The following SMARCC1 variants were observed in gnomAD, a reference collection of about 807,000 sequenced individuals.
SMARCC1 encodes SWI/SNF related BAF chromatin remodeling complex subunit C1.
In SMARCC1, 43 loss-of-function variants were observed where a neutral mutation model predicts 147.4. The observed-to-expected ratio is 0.29, with a 90% CI of 0.23 to 0.38. The LOEUF (loss-of-function observed/expected upper bound fraction) is 0.38, where lower values mean the gene tolerates loss of function less well. Among genes scored for constraint, SMARCC1 ranks in the 10% least tolerant of loss-of-function variants. The pLI is 1.00. For synonymous variants in SMARCC1, 495 were observed against 484.4 expected (o/e 1.02, Z -0.29); for missense variants, 1,119 against 1,381.1 (o/e 0.81, Z 3.01).
intron 21 of SMARCC1, among the ~76,000 whole-genome samples, chr3:47,654,670 A>G (rs939126292): frequency 1.3e-5 from 2 of 152,238 alleles, no homozygotes; most frequent in African/African-American, 4.8e-5. Context: ...GTGTCGCAAC[A>G]TGGCAGAGGA....
intron 24 of SMARCC1, among the ~76,000 whole-genome samples, chr3:47,631,221 G>A (rs887726706): frequency 3.3e-5 from 5 of 152,166 alleles, no homozygotes; most frequent in Admixed American, 6.5e-5. Flanking sequence ...GACATTTCTA[G>A]GGGGTAAGAG....
intron 9 of SMARCC1, 107 bp from the exon 10 acceptor site, chr3:47,706,637 T>C: frequency 9.9e-7 from 1 of 1,007,260 alleles, no homozygotes; most frequent in South Asian, 2.1e-5. Context: ...AGCATATCCT[T>C]AGTTCAGAGC....
intron 2 of SMARCC1, among the ~76,000 whole-genome samples, chr3:47,763,065 CA>C (rs11285718): frequency 0.95 from 134,300 of 141,830 alleles, 63,799 homozygotes; most frequent in South Asian, 1. Context: ...GACTCCATCT[CA>C]AAAAAAAAAA....
At chr3:47,610,751 C>T (rs1480485001) in intron 25 of SMARCC1, 2 of 206,644 alleles carry the variant, frequency 9.7e-6, no homozygotes, top group East Asian at 2.1e-4. Context: ...CAAGTTCACC[C>T]AACCTTCCTA....
At chr3:47,681,170 G>A (rs887260695) in intron 14 of SMARCC1, among the ~76,000 whole-genome samples, 4 of 152,120 alleles carry the variant, frequency 2.6e-5, no homozygotes, top group African/African-American at 9.7e-5. Context: ...AAACAAAGGA[G>A]CTGGCACGGC....
chr3:47,758,548 AG>A (rs1202620466), intron 2 of SMARCC1, among the ~76,000 whole-genome samples: 1 of 152,074 alleles, frequency 6.6e-6, no homozygotes, highest in Non-Finnish European at 1.5e-5. Context: ...TCAAAATTAA[AG>A]TTTTACCAGT....
chr3:47,725,591 C>A (rs2034288641), intron 6 of SMARCC1, among the ~76,000 whole-genome samples: 1 of 152,042 alleles, frequency 6.6e-6, no homozygotes, highest in Admixed American at 6.5e-5. Context: ...GCTGGAATGA[C>A]AGGGGCCCGC....
At chr3:47,644,856 C>T (rs1020601300) in intron 21 of SMARCC1, among the ~76,000 whole-genome samples, 4 of 152,044 alleles carry the variant, frequency 2.6e-5, no homozygotes, top group Non-Finnish European at 5.9e-5. Context: ...TGGTTTTATG[C>T]AAATAGGAAA....
intron 19 of SMARCC1, 142 bp downstream of exon 19, chr3:47,670,514 GTA>G (rs1243125957): frequency 3.1e-6 from 2 of 640,086 alleles, no homozygotes; most frequent in African/African-American, 3.7e-5. Flanking sequence ...AGCCTGGGAG[GTA>G]GAGGCTGCAC....
chr3:47,674,164 G>A (rs759838667), intron 18 of SMARCC1, among the ~76,000 whole-genome samples: 7 of 152,038 alleles, frequency 4.6e-5, no homozygotes, highest in Non-Finnish European at 7.4e-5. Context: ...ATTTCTACAC[G>A]TTATAAATCC....
At chr3:47,753,602 T>A (rs2034653792) in intron 2 of SMARCC1, among the ~76,000 whole-genome samples, 1 of 148,142 alleles carries the variant, frequency 6.8e-6, no homozygotes, top group Non-Finnish European at 1.5e-5. Flanking sequence ...TAATCCCAGC[T>A]ACTCGAGAGG....
intron 5 of SMARCC1, among the ~76,000 whole-genome samples, chr3:47,729,927 G>A (rs2034347851): frequency 6.6e-6 from 1 of 152,156 alleles, no homozygotes; most frequent in Non-Finnish European, 1.5e-5. Context: ...GCTCATGTCT[G>A]TAATCCTAGC....
At chr3:47,591,867 C>T (rs2032189732) in intron 26 of SMARCC1, among the ~76,000 whole-genome samples, 1 of 152,096 alleles carries the variant, frequency 6.6e-6, no homozygotes, top group South Asian at 2.1e-4. Flanking sequence ...TGACAGAAAA[C>T]CCTACAGTAT....
chr3:47,722,566 G>A (rs1228037487), intron 6 of SMARCC1, among the ~76,000 whole-genome samples: 1 of 151,984 alleles, frequency 6.6e-6, no homozygotes, highest in Non-Finnish European at 1.5e-5. Flanking sequence ...AAAGTGCTGG[G>A]ATTACAGGCA....
In SMARCC1 at chr3:47,635,229, G is replaced by T; in HGVS notation, c.2607C>A (p.Ala869=). ...CCGCTGAGGCAAGAGCAGCTGCTGCGGCTGTGGCAACATTTCCTTCGGAAA... is the reference window on the plus strand; with the variant it reads ...CCGCTGAGGCAAGAGCAGCTGCTGCTGCTGTGGCAACATTTCCTTCGGAAA... ...HEISEGNVAT[A]AAAALASAAT... The change falls in exon 24 of 28, where the codon GCC becomes GCA. Residue 869 remains alanine (A), a synonymous_variant. Transcript: ENST00000254480. 6.2e-7 allele frequency: 1 copy of T among 1,613,728 alleles called. No homozygotes were observed. The highest frequency in any genetic ancestry group is 8.5e-7 in the Non-Finnish European group (1 of 1,179,914).
At position 47,677,592 on chromosome 3, in the gene SMARCC1, C is replaced by T. The variant is rs544182114; in HGVS notation, c.1571+606G>A. Among the ~76,000 whole-genome samples the T allele has an allele frequency of 7.3e-5, 11 of 151,344 alleles. No individual in the cohort carries two copies. In the East Asian group the frequency reaches 9.8e-4, roughly 13 times the overall value. ...TTTGAGACACAATCTTGCTCTGTTGCGCAGGCTGGAATGCAGTGGGACGAT... is the reference window on the plus strand; with the variant it reads ...TTTGAGACACAATCTTGCTCTGTTGTGCAGGCTGGAATGCAGTGGGACGAT... On this transcript the variant is annotated intron_variant, in intron 16 of 27. Transcript: ENST00000254480.
rs182176259 is a variant in SMARCC1, at chr3:47,744,828, G to A, written c.401+1080C>T. On this transcript the variant is annotated intron_variant, in intron 3 of 27. Transcript: ENST00000254480. The stretch of plus-strand genomic sequence containing the variant: ...GACAGCTAGAAAAGGGGAAAAGACT[G>A]AAGGGAGCAAAATGGCAGGAATATC... 5.9e-5 allele frequency among the ~76,000 whole-genome samples: 9 copies of A among 152,264 alleles called. No homozygotes were observed. In the East Asian group the frequency reaches 1.3e-3, roughly 23 times the overall value.
chr3:47,601,089 G>A (rs2032377706), intron 26 of SMARCC1, among the ~76,000 whole-genome samples: 1 of 146,230 alleles, frequency 6.8e-6, no homozygotes, highest in South Asian at 2.2e-4. Flanking sequence ...TAGAATGGTG[G>A]GAGTCTGACC....
intron 26 of SMARCC1, among the ~76,000 whole-genome samples, chr3:47,600,077 T>C (rs2032359536): frequency 6.6e-6 from 1 of 152,216 alleles, no homozygotes; most frequent in African/African-American, 2.4e-5. Flanking sequence ...AAACCTTTCT[T>C]TTCATTTATT....
Sources: gnomAD v4.1 joint callset for allele counts (sites outside exome capture counted in the v4.1 genomes callset) on GRCh38, gnomAD v4.1.1 for gene constraint, MANE v1.5 for transcripts, NCBI Gene and HGNC (gene_info 2026-07-23, HGNC 2026-07-21) for gene names.